The following SLC5A6 variants were observed in gnomAD, a reference collection of about 807,000 sequenced individuals.
The protein encoded by SLC5A6 is solute carrier family 5 member 6.
In SLC5A6, 31 loss-of-function variants were observed where a neutral mutation model predicts 67.9. That is an observed-to-expected ratio of 0.46 (90% CI 0.34 to 0.62). SLC5A6 has a LOEUF of 0.62. Ranked by LOEUF, SLC5A6 falls within the 20% of genes least tolerant of loss-of-function variation. SLC5A6 has a pLI of 0.01. For synonymous variants in SLC5A6, 343 were observed against 331.0 expected, an observed-to-expected ratio of 1.04 and a Z score of -0.39; for missense variants, 673 against 812.8, an observed-to-expected ratio of 0.83 and a Z score of 2.09.
In SLC5A6 at chr2:27,204,540, C is replaced by T; in HGVS notation, c.926G>A (p.Cys309Tyr). The T allele has an allele frequency of 6.2e-7, 1 of 1,614,052 alleles. No homozygotes were observed. The highest frequency in any genetic ancestry group is 8.5e-7 in the Non-Finnish European group (1 of 1,179,964). The change falls in exon 9 of 17, where the codon TGC becomes TAC. Residue 309 changes from cysteine to tyrosine, a missense_variant. Transcript: ENST00000310574. ...PFQQVSLCVGCLIGLVMFAYY... is the reference protein window; with the variant it reads ...PFQQVSLCVGYLIGLVMFAYY... ...CGCGAACATGACCAGGCCAATGAGGCAGCCCACGCAGAGGGACACCTGCTG... is the reference window on the plus strand; with the variant it reads ...CGCGAACATGACCAGGCCAATGAGGTAGCCCACGCAGAGGGACACCTGCTG...
At chr2:27,205,177 T>C in intron 7 of SLC5A6, 173 bp downstream of exon 7, 2 of 731,818 alleles carry the variant, frequency 2.7e-6, no homozygotes, top group Non-Finnish European at 4.4e-6. Flanking sequence ...CTATAAACAC[T>C]AGCCGGGCAC....
At chr2:27,202,777 C>T in intron 12 of SLC5A6, 36 bp downstream of exon 12, 1 of 1,563,968 alleles carries the variant, frequency 6.4e-7, no homozygotes, top group Non-Finnish European at 8.8e-7. Context: ...TTCCTTCTCT[C>T]CCTTAAAATT....
chr2:27,210,841 G>A (rs1275739478), intron 2 of SLC5A6, among the ~76,000 whole-genome samples: 1 of 151,968 alleles, frequency 6.6e-6, no homozygotes, highest in African/African-American at 2.4e-5. Flanking sequence ...GGCTAACACG[G>A]TGAAACCCCG....
At position 27,200,383 on chromosome 2, in the gene SLC5A6, C is replaced by G; in HGVS notation, c.*53G>C. The G allele has an allele frequency of 1.3e-6, 2 of 1,559,582 alleles. No homozygotes were observed. Among genetic ancestry groups the G allele is most frequent in the Non-Finnish European group, 1.7e-6 (2 of 1,150,952 alleles). On this transcript the variant is annotated 3_prime_UTR_variant, in exon 17 of 17. Coordinates refer to ENST00000310574, the MANE Select transcript of SLC5A6 (RefSeq NM_021095.4). ...GACTCATCCCTGTACTACAGGGTGG[C>G]CTCTGGCTATGGCCTGGCACAGTGA...
intron 1 of SLC5A6, 151 bp downstream of exon 1, chr2:27,211,869 C>G: frequency 4.0e-6 from 1 of 247,698 alleles, no homozygotes. Context: ...CCCGGTGCCT[C>G]TCGGCACCGG....
chr2:27,205,620 G>T, intron 6 of SLC5A6, 116 bp from the exon 7 acceptor site: 1 of 1,247,438 alleles, frequency 8.0e-7, no homozygotes, highest in Non-Finnish European at 1.2e-6. Flanking sequence ...TAGGCTTTTT[G>T]CAGCCTGAAG....
intron 16 of SLC5A6, 97 bp downstream of exon 16, chr2:27,200,900 CG>C (rs1399531792): frequency 5.1e-6 from 4 of 781,550 alleles, no homozygotes; most frequent in Non-Finnish European, 8.5e-6. Context: ...GAGAGGCACC[CG>C]GGGCAGGGGG....
rs995183050 is a variant in SLC5A6 at position 27,207,767 on chromosome 2, C to A, written c.-117G>T. ...GCCACAGTCTCACAGTCTTCCTCCA[C>A]GGAGTGATACTGTCCAGGGTGAGCT... On this transcript the variant is annotated 5_prime_UTR_variant, in exon 3 of 17. Transcript: ENST00000310574. This position sits in a 1 kb window ranked among gnomAD's most constrained non-coding sequence, Gnocchi z 5.5. 5.4e-6 allele frequency: 5 copies of A among 929,726 alleles called. No homozygotes were observed. The highest frequency in any genetic ancestry group is 8.1e-6 in the Non-Finnish European group (5 of 615,316). 57.6% of individuals were successfully genotyped at this position (929,726 alleles called of 1,614,324 possible). A position where few individuals can be genotyped will look rare whatever the true frequency, so the allele number is the denominator to read the frequency against.
intron 2 of SLC5A6, among the ~76,000 whole-genome samples, chr2:27,210,428 A>G (rs1195836569): frequency 3.6e-5 from 5 of 137,040 alleles, no homozygotes; most frequent in Non-Finnish European, 6.4e-5. Flanking sequence ...AGATTGTGGG[A>G]CCCCCCCCCC....
chr2:27,200,486 C>T lies in SLC5A6; in HGVS notation c.1858G>A (p.Ala620Thr). 6.2e-7 allele frequency: 1 copy of T among 1,614,072 alleles called. No individual in the cohort carries two copies. Among genetic ancestry groups the T allele is most frequent in the Non-Finnish European group, 8.5e-7 (1 of 1,179,956 alleles). Residue 620 changes from alanine to threonine, a missense_variant, in exon 17 of 17, where the codon GCC becomes ACC. Ala to Thr is a moderately conservative substitution (Grantham distance 58, BLOSUM62 0). Coordinates refer to ENST00000310574, the MANE Select transcript of SLC5A6 (RefSeq NM_021095.4). ...DKEAMALDGTAYQGSSSTCIL... is the reference protein window; with the variant it reads ...DKEAMALDGTTYQGSSSTCIL... ...CAGGTGGAGCTGCTCCCCTGATAGG[C>T]TGTGCCATCCAGGGCCATGGCCTCC...
rs1343350656 is a variant in SLC5A6, at chr2:27,200,233, G to A, written c.*203C>T. The A allele has an allele frequency of 2.1e-5, 10 of 483,754 alleles. No homozygotes were observed. The highest frequency in any genetic ancestry group is 1.9e-4 in the Admixed American group (5 of 26,672). 30.0% of individuals were successfully genotyped at this position (483,754 alleles called of 1,614,324 possible). ...TCCTTTAAAAAACAGATTGGCAAGC[G>A]ACGAGAAAAACGGTGCCTCACATGC... is the stretch of plus-strand genomic sequence containing the variant. On this transcript the variant is annotated 3_prime_UTR_variant, in exon 17 of 17. Transcript: ENST00000310574.
Position 27,203,307 on chromosome 2 carries a change from G to A in SLC5A6, c.1133C>T (p.Thr378Met), listed in dbSNP as rs1418191398. 2 of 1,613,986 alleles carry A rather than the reference G, an allele frequency of 1.2e-6. No individual in the cohort carries two copies. Among genetic ancestry groups the A allele is most frequent in the Non-Finnish European group, 1.7e-6 (2 of 1,180,008 alleles). ...SSAFNSLATV[T>M]MEDLIRPWFP... ...CCAAGGTCGAATCAGGTCTTCCATC[G>A]TAACAGTTGCCAATGAATTAAAAGC... Residue 378 changes from threonine (T) to methionine (M), a missense_variant, in exon 11 of 17, where the codon ACG becomes ATG. By Grantham distance (81) the Thr-to-Met change is moderately conservative. Coordinates refer to ENST00000310574, the MANE Select transcript of SLC5A6 (RefSeq NM_021095.4).
chr2:27,210,996 C>T (rs1338500553), intron 2 of SLC5A6, among the ~76,000 whole-genome samples: 1 of 152,230 alleles, frequency 6.6e-6, no homozygotes, highest in African/African-American at 2.4e-5. Context: ...TGCACTCCAG[C>T]CTGGGCGACA....
At position 27,207,763 on chromosome 2, in the gene SLC5A6, T is replaced by C; in HGVS notation, c.-113A>G. 1 of 984,068 alleles carries C rather than the reference T, an allele frequency of 1.0e-6. No homozygotes were observed. Among genetic ancestry groups the C allele is most frequent in the East Asian group, 2.5e-5 (1 of 39,792 alleles). 61.0% of individuals were successfully genotyped at this position (984,068 alleles called of 1,614,324 possible). ...TCCAGCCACAGTCTCACAGTCTTCC[T>C]CCACGGAGTGATACTGTCCAGGGTG... On this transcript the variant is annotated 5_prime_UTR_variant, in exon 3 of 17. Coordinates refer to ENST00000310574, the MANE Select transcript of SLC5A6 (RefSeq NM_021095.4). The surrounding 1 kb of genome is among the most constrained non-coding windows in gnomAD (Gnocchi z 5.5).
Position 27,207,295 on chromosome 2 carries a change from G to A in SLC5A6, c.356C>T (p.Pro119Leu). ...GGTGAGATGCAGGCGGTAGAAAACG[G>A]GGATGAAGATGTGTGCAGGTATCAG... ...GLLIPAHIFI[P>L]VFYRLHLTSA... The change falls in exon 3 of 17, where the codon CCC becomes CTC. Residue 119 changes from proline (P) to leucine (L), a missense_variant. By Grantham distance (98) the Pro-to-Leu change is moderately conservative. Coordinates refer to ENST00000310574, the MANE Select transcript of SLC5A6 (RefSeq NM_021095.4). The surrounding 1 kb of genome is among the most constrained non-coding windows in gnomAD (Gnocchi z 5.5). The A allele has an allele frequency of 1.2e-6, 2 of 1,614,012 alleles. No homozygotes were observed. The highest frequency in any genetic ancestry group is 1.3e-5 in the African/African-American group (1 of 75,046).
intron 16 of SLC5A6, 80 bp from the exon 17 acceptor site, chr2:27,200,659 C>T: frequency 1.4e-6 from 2 of 1,462,844 alleles, no homozygotes; most frequent in South Asian, 1.3e-5. Flanking sequence ...AAAAAGGTCC[C>T]CGCCAGAAGG....
In SLC5A6 at chr2:27,203,260, G is replaced by C. The variant is rs375014181; in HGVS notation, c.1180C>G (p.Arg394Gly). The C allele has an allele frequency of 3.4e-5, 55 of 1,613,914 alleles. No individual in the cohort carries two copies. The African/African-American group carries it at 5.7e-4, about 17-fold the overall frequency. Residue 394 changes from arginine to glycine, a missense_variant, in exon 11 of 17, where the codon CGG becomes GGG. Coordinates refer to ENST00000310574, the MANE Select transcript of SLC5A6 (RefSeq NM_021095.4). ...AGGCCTCTGGAAAGCATGATGGCCCGGGCTTCAGAGAACTCAGGGAACCAA... is the reference window on the plus strand; with the variant it reads ...AGGCCTCTGGAAAGCATGATGGCCCCGGCTTCAGAGAACTCAGGGAACCAA... ...RPWFPEFSEARAIMLSRGLAF... is the reference protein window; with the variant it reads ...RPWFPEFSEAGAIMLSRGLAF...
intron 9 of SLC5A6, 92 bp from the exon 10 acceptor site, chr2:27,203,959 C>A: frequency 1.1e-6 from 1 of 871,766 alleles, no homozygotes; most frequent in South Asian, 1.5e-5. Flanking sequence ...TGTGCCCCAG[C>A]GAGTCTACCG....
At position 27,211,492 on chromosome 2, in the gene SLC5A6, AG is replaced by A. The variant is rs961860518; in HGVS notation, c.-167del. On this transcript the variant is annotated 5_prime_UTR_variant, in exon 2 of 17. The change abolishes the stop of an existing upstream ORF in the 5' untranslated region. Coordinates refer to ENST00000310574, the MANE Select transcript of SLC5A6 (RefSeq NM_021095.4). Reference sequence around the variant, plus strand: ...CTCCGTGGTTCAGTCAGAGCTAGGAAGGTCCCTTTGTGCTTCCTGAGATCAA... The same window carrying A: ...CTCCGTGGTTCAGTCAGAGCTAGGAAGTCCCTTTGTGCTTCCTGAGATCAA... 4.6e-5 allele frequency: 7 copies of A among 152,390 alleles called. No individual in the cohort carries two copies. The highest frequency in any genetic ancestry group is 1.0e-4 in the Non-Finnish European group (7 of 68,064). The allele number at this position is 152,390 out of a possible 1,614,324, so 9.4% of individuals were successfully genotyped here.
Sources: gnomAD v4.1 joint callset for allele counts (sites outside exome capture counted in the v4.1 genomes callset) on GRCh38, gnomAD v4.1.1 for gene constraint, Gnocchi (gnomAD v3.1) non-coding constraint, MANE v1.5 for transcripts, NCBI Gene and HGNC (gene_info 2026-07-23, HGNC 2026-07-21) for gene names.